The following GLYATL2 variants were observed in gnomAD, a reference collection of about 807,000 sequenced individuals.
The protein encoded by GLYATL2 is glycine-N-acyltransferase like 2.
In GLYATL2, 25 loss-of-function variants were observed where a neutral mutation model predicts 21.4. The observed-to-expected ratio is 1.17, with a 90% CI of 0.85 to 1.63. The LOEUF is 1.63. GLYATL2 is among the 40% of genes most tolerant of loss of function. The pLI, the probability that GLYATL2 is intolerant of heterozygous loss-of-function variation, is 0.00. For synonymous variants in GLYATL2, 114 were observed against 118.2 expected (o/e 0.96, Z 0.23); for missense variants, 361 against 343.3 (o/e 1.05, Z -0.41).
intron 1 of GLYATL2, among the ~76,000 whole-genome samples, chr11:58,854,703 A>G (rs1853799406): frequency 1.1e-5 from 1 of 87,716 alleles, no homozygotes; most frequent in African/African-American, 3.5e-5. Context: ...TCAAAATGCT[A>G]TTTGGTAGCA....
chr11:58,885,463 T>A, intron 1 of GLYATL2: 1 of 509,784 alleles, frequency 2.0e-6, no homozygotes, highest in Non-Finnish European at 3.9e-6. Flanking sequence ...ACATCAATCA[T>A]AGGAACCCCT....
chr11:58,899,700 G>A (rs1854701660), intron 1 of GLYATL2, among the ~76,000 whole-genome samples: 1 of 152,134 alleles, frequency 6.6e-6, no homozygotes, highest in African/African-American at 2.4e-5. Flanking sequence ...AATCACCCAA[G>A]ATGGTCCACT....
upstream of GLYATL2, chr11:58,905,415 C>T: frequency 2.2e-6 from 1 of 450,278 alleles, no homozygotes; most frequent in Non-Finnish European, 4.5e-6. Flanking sequence ...CCGCCACCGC[C>T]GCCGACCCAT....
intron 1 of GLYATL2, among the ~76,000 whole-genome samples, chr11:58,890,906 A>G (rs186320385): frequency 6.6e-6 from 1 of 151,708 alleles, no homozygotes; most frequent in Non-Finnish European, 1.5e-5. Context: ...GGCTTTATAT[A>G]TCCTTTGCAC....
Position 58,856,792 on chromosome 11 carries a change from G to A in GLYATL2, n.61-18424C>T, listed in dbSNP as rs1853835896. On this transcript the variant is annotated intron_variant and non_coding_transcript_variant, in intron 1 of 4. Coordinates refer to the GLYATL2 transcript ENST00000533636. ...TAAAATAGCACCATCAAAACTCACT[G>A]ATCACAGATCACCTTAACAGACACA... is the stretch of plus-strand genomic sequence containing the variant. Among the ~76,000 whole-genome samples the A allele has an allele frequency of 2.0e-5, 3 of 152,130 alleles. No individual in the cohort carries two copies. The South Asian group carries it at 6.2e-4, about 32-fold the overall frequency.
At chr11:58,901,210 C>T (rs2187267) in intron 1 of GLYATL2, among the ~76,000 whole-genome samples, 142,813 of 152,232 alleles carry the variant, frequency 0.94, 67,655 homozygotes, top group East Asian at 1. Flanking sequence ...ACCAGCTGAA[C>T]GGACTCACTT....
chr11:58,866,372 T>C (rs1345445153), intron 1 of GLYATL2, among the ~76,000 whole-genome samples: 1 of 148,940 alleles, frequency 6.7e-6, no homozygotes, highest in Non-Finnish European at 1.5e-5. Context: ...AACAGCTTTC[T>C]TTTGCTACAG....
At chr11:58,891,460 A>G (rs934717547) in intron 1 of GLYATL2, among the ~76,000 whole-genome samples, 1 of 152,200 alleles carries the variant, frequency 6.6e-6, no homozygotes, top group Non-Finnish European at 1.5e-5. Context: ...GTAGGCTGAT[A>G]TCCTGTAGCC....
rs181324501 is a variant in GLYATL2 at position 58,872,818 on chromosome 11, G to A, written n.60+31338C>T. On this transcript the variant is annotated intron_variant and non_coding_transcript_variant, in intron 1 of 4. Coordinates refer to the GLYATL2 transcript ENST00000533636. ...TTCAAGTAGTTTTTTCCAATTCTGT[G>A]AAGAAAGTCATTGGTAGCTTGATAG... Among the ~76,000 whole-genome samples, 817 of 152,306 alleles carry A rather than the reference G, an allele frequency of 5.4e-3. 7 individuals are homozygous for A. The highest frequency in any genetic ancestry group is 0.018 in the African/African-American group (763 of 41,552).
Position 58,834,227 on chromosome 11 carries a change from A to G in GLYATL2, c.*202T>C. On this transcript the variant is annotated 3_prime_UTR_variant, in exon 6 of 6. Coordinates refer to ENST00000287275, the MANE Select transcript of GLYATL2 (RefSeq NM_145016.4). ...TTCTGAGATGTCTGTCATAAAGGAA[A>G]TTATGAGACCATAAAATTGAGCTTC... 2.4e-6 allele frequency: 1 copy of G among 419,210 alleles called. No individual in the cohort carries two copies. The highest frequency in any genetic ancestry group is 4.2e-6 in the Non-Finnish European group (1 of 240,452). 26.0% of individuals were successfully genotyped at this position (419,210 alleles called of 1,614,324 possible).
At chr11:58,837,831 T>C (rs142813943) in intron 3 of GLYATL2, among the ~76,000 whole-genome samples, 2 of 152,304 alleles carry the variant, frequency 1.3e-5, no homozygotes, top group African/African-American at 4.8e-5. Context: ...AGATGAAGTT[T>C]TGGAAAGAAC....
chr11:58,859,651 C>T (rs1345841915), intron 1 of GLYATL2, among the ~76,000 whole-genome samples: 1 of 152,152 alleles, frequency 6.6e-6, no homozygotes, highest in African/African-American at 2.4e-5. Context: ...TTTTGGCCTT[C>T]GTTATCTGTG....
chr11:58,877,178 C>T (rs2134608486), intron 1 of GLYATL2, among the ~76,000 whole-genome samples: 1 of 152,364 alleles, frequency 6.6e-6, no homozygotes, highest in South Asian at 2.1e-4. Context: ...TTTCCAGGTG[C>T]CATCTGTCAC....
chr11:58,849,118 A>G (rs1391864161), upstream of GLYATL2, among the ~76,000 whole-genome samples: 4 of 152,208 alleles, frequency 2.6e-5, 1 homozygote, highest in African/African-American at 9.6e-5. Flanking sequence ...ATGAAGGAAG[A>G]ATACTTTCCC....
At chr11:58,890,232 G>A (rs943620082) in intron 1 of GLYATL2, among the ~76,000 whole-genome samples, 2 of 152,062 alleles carry the variant, frequency 1.3e-5, no homozygotes, top group Non-Finnish European at 2.9e-5. Flanking sequence ...AATTTGCTTA[G>A]GATTATTGCA....
intron 1 of GLYATL2, among the ~76,000 whole-genome samples, chr11:58,862,818 A>G (rs1853954902): frequency 1.5e-5 from 1 of 64,628 alleles, no homozygotes; most frequent in Non-Finnish European, 3.8e-5. Context: ...AGGGTCAGCT[A>G]TTGGTTATTC....
chr11:58,873,385 C>T lies in GLYATL2; in HGVS notation n.60+30771G>A, dbSNP rs1368715060. ...TGCCAGTTTTCAAAGGGAATGCTTCCAGTTTTTGTCCTTTCAGTATGATAT... is the reference window on the plus strand; with the variant it reads ...TGCCAGTTTTCAAAGGGAATGCTTCTAGTTTTTGTCCTTTCAGTATGATAT... On this transcript the variant is annotated intron_variant and non_coding_transcript_variant, in intron 1 of 4. Transcript: ENST00000533636. Among the ~76,000 whole-genome samples, 5 of 152,234 alleles carry T rather than the reference C, an allele frequency of 3.3e-5. No individual in the cohort carries two copies. The East Asian group carries it at 7.7e-4, about 23-fold the overall frequency.
chr11:58,859,322 CAT>C (rs78901227), intron 1 of GLYATL2, among the ~76,000 whole-genome samples: 4 of 32,088 alleles, frequency 1.2e-4, no homozygotes, highest in South Asian at 1.1e-3. Flanking sequence ...TTGTAGCATT[CAT>C]TCTCTCTCTC....
In GLYATL2 at chr11:58,879,801, C is replaced by T. The variant is rs541451535; in HGVS notation, n.60+24355G>A. Among the ~76,000 whole-genome samples, 228 of 151,192 alleles carry T rather than the reference C, an allele frequency of 1.5e-3. 2 individuals carry two copies. Among genetic ancestry groups the T allele is most frequent in the African/African-American group, 5.3e-3 (218 of 41,258 alleles). On this transcript the variant is annotated intron_variant and non_coding_transcript_variant, in intron 1 of 4. Transcript: ENST00000533636. ...ATGTACGTTGTGAATGTGAATTATA[C>T]GGTTAAACAGTTTTGTGTTATGTGT...
Sources: gnomAD v4.1 joint callset for allele counts (sites outside exome capture counted in the v4.1 genomes callset) on GRCh38, gnomAD v4.1.1 for gene constraint, MANE v1.5 for transcripts, NCBI Gene and HGNC (gene_info 2026-07-23, HGNC 2026-07-21) for gene names.